DNAJC1: variants seen among roughly 807,000 people sequenced by gnomAD.
DNAJC1 encodes dnaJ homolog subfamily C member 1.
Under a neutral mutation model 76.6 loss-of-function variants are expected in DNAJC1, and 58 were observed. The ratio of observed to expected loss-of-function variants is 0.76; its 90% CI spans 0.61 to 0.94. The LOEUF (loss-of-function observed/expected upper bound fraction) is 0.94, where lower values mean the gene tolerates loss of function less well. Among genes scored for constraint, DNAJC1 ranks in the 40% least tolerant of loss-of-function variants. The pLI, the probability that DNAJC1 is intolerant of heterozygous loss-of-function variation, is 0.00. For missense variants in DNAJC1, 689 were observed against 677.3 expected (o/e 1.02, Z -0.19); for synonymous variants, 258 against 267.9 (o/e 0.96, Z 0.36).
chr10:21,825,735 G>A (rs572932386), intron 8 of DNAJC1, among the ~76,000 whole-genome samples: 54 of 152,230 alleles, frequency 3.5e-4, no homozygotes, highest in African/African-American at 1.1e-3. Context: ...GGTTTGCAGT[G>A]CTATCTTATG....
intron 7 of DNAJC1, among the ~76,000 whole-genome samples, chr10:21,884,821 G>T: frequency 6.6e-6 from 1 of 151,968 alleles, no homozygotes; most frequent in East Asian, 1.9e-4. Flanking sequence ...TTTATTTCTG[G>T]GGTGTTTCAT....
intron 1 of DNAJC1, among the ~76,000 whole-genome samples, chr10:21,969,905 T>A (rs1425063426): frequency 1.3e-5 from 2 of 152,188 alleles, no homozygotes; most frequent in Non-Finnish European, 2.9e-5. Context: ...TAACCCATTT[T>A]GTCACTTGGC....
At chr10:21,945,543 A>G (rs1441988082) in intron 1 of DNAJC1, among the ~76,000 whole-genome samples, 1 of 152,212 alleles carries the variant, frequency 6.6e-6, no homozygotes, top group Non-Finnish European at 1.5e-5. Context: ...GAGAAAAGCC[A>G]GCATTCAAAG....
intron 2 of DNAJC1, 128 bp from the exon 3 acceptor site, chr10:21,928,680 TCTC>T: frequency 1.5e-6 from 1 of 683,946 alleles, no homozygotes; most frequent in East Asian, 2.6e-5. Flanking sequence ...ACAGATGAAA[TCTC>T]CTTTATAAGT....
intron 6 of DNAJC1, among the ~76,000 whole-genome samples, chr10:21,907,394 T>C (rs1356477578): frequency 6.6e-6 from 1 of 152,062 alleles, no homozygotes; most frequent in Non-Finnish European, 1.5e-5. Context: ...CTTAACAATC[T>C]ATGAACTCAA....
intron 9 of DNAJC1, among the ~76,000 whole-genome samples, chr10:21,774,915 A>G (rs1269083634): frequency 6.6e-6 from 1 of 152,240 alleles, no homozygotes; most frequent in Non-Finnish European, 1.5e-5. Context: ...TAGTATTAGA[A>G]CATAGCCTTT....
intron 7 of DNAJC1, among the ~76,000 whole-genome samples, chr10:21,896,395 T>C (rs1402124340): frequency 1.3e-5 from 2 of 152,228 alleles, no homozygotes; most frequent in African/African-American, 2.4e-5. Flanking sequence ...CAAAAATTAA[T>C]GGTGCTTGCC....
chr10:21,920,519 A>G (rs1837025601), intron 4 of DNAJC1: 1 of 242,482 alleles, frequency 4.1e-6, no homozygotes, highest in African/African-American at 2.2e-5. Flanking sequence ...TTGGAAGGTG[A>G]TAATGAAAAC....
At chr10:21,985,248 CT>C (rs1190568148) in intron 1 of DNAJC1, among the ~76,000 whole-genome samples, 4,636 of 136,064 alleles carry the variant, frequency 0.034, 60 homozygotes, top group Middle Eastern at 0.065. Context: ...CACTACCCTG[CT>C]TTTTTTTTTT....
intron 8 of DNAJC1, among the ~76,000 whole-genome samples, chr10:21,825,426 T>C (rs566915765): frequency 4.1e-4 from 62 of 152,336 alleles, no homozygotes; most frequent in Admixed American, 1.7e-3. Context: ...AGTTAGTCAA[T>C]CTAGTGATGA....
At chr10:21,916,961 T>C (rs1015388395) in intron 6 of DNAJC1, among the ~76,000 whole-genome samples, 1 of 152,112 alleles carries the variant, frequency 6.6e-6, no homozygotes, top group African/African-American at 2.4e-5. Context: ...AGGAAAATCA[T>C]CTTAATTTTC....
intron 1 of DNAJC1, among the ~76,000 whole-genome samples, chr10:21,997,682 A>G (rs1197645909): frequency 6.6e-6 from 1 of 152,192 alleles, no homozygotes; most frequent in African/African-American, 2.4e-5. Flanking sequence ...TCCTCTAAAC[A>G]GGCTAGCTAA....
At chr10:21,896,173 C>CCA (rs1836538870) in intron 7 of DNAJC1, among the ~76,000 whole-genome samples, 2 of 152,180 alleles carry the variant, frequency 1.3e-5, no homozygotes, top group African/African-American at 4.8e-5. Flanking sequence ...AGTGGGGCCA[C>CCA]CACTAAGACC....
At chr10:21,797,286 T>C (rs569294727) in intron 9 of DNAJC1, among the ~76,000 whole-genome samples, 4 of 152,320 alleles carry the variant, frequency 2.6e-5, no homozygotes, top group African/African-American at 9.6e-5. Context: ...GGGTTCTCTT[T>C]CCTGTTCCCT....
chr10:21,901,212 T>G (rs1181724471), intron 7 of DNAJC1, among the ~76,000 whole-genome samples: 1 of 152,180 alleles, frequency 6.6e-6, no homozygotes, highest in Admixed American at 6.5e-5. Flanking sequence ...TTAATTCTGG[T>G]TTTGTTTTAA....
chr10:21,759,455 G>T lies in DNAJC1; in HGVS notation c.1311C>A (p.Ala437=). 2 of 1,614,138 alleles carry T rather than the reference G, an allele frequency of 1.2e-6. No individual in the cohort carries two copies. The highest frequency in any genetic ancestry group is 1.7e-6 in the Non-Finnish European group (2 of 1,180,046). Residue 437 remains alanine, a synonymous_variant, in exon 11 of 12, where the codon GCC becomes GCA. Transcript: ENST00000376980. ...TCCGCCTCCGAGGCCGGGCATCAGT[G>T]GCCCCGGTCTCCTGCTCACCGGAGT... ...EGDSGEQETG[A]TDARPRRRKP...
At chr10:21,840,498 C>G (rs887818112) in intron 8 of DNAJC1, among the ~76,000 whole-genome samples, 1 of 152,172 alleles carries the variant, frequency 6.6e-6, no homozygotes, top group Admixed American at 6.5e-5. Context: ...AAATCCCATT[C>G]ACAATTGCTT....
At chr10:21,812,464 T>C (rs777139697) in intron 8 of DNAJC1, among the ~76,000 whole-genome samples, 196 of 152,228 alleles carry the variant, frequency 1.3e-3, no homozygotes, top group Admixed American at 2.6e-3. Flanking sequence ...TGTCTTCTTA[T>C]TAGTTTTAAG....
At chr10:21,882,153 C>G (rs2131721817) in intron 8 of DNAJC1, 129 bp downstream of exon 8, 1 of 917,450 alleles carries the variant, frequency 1.1e-6, no homozygotes, top group Admixed American at 4.0e-5. Flanking sequence ...GACTCTGTCT[C>G]AAACAAAACA....
Sources: gnomAD v4.1 joint callset for allele counts (sites outside exome capture counted in the v4.1 genomes callset) on GRCh38, gnomAD v4.1.1 for gene constraint, MANE v1.5 for transcripts, NCBI Gene and HGNC (gene_info 2026-07-23, HGNC 2026-07-21) for gene names.